The following THSD7A variants were observed in gnomAD, a reference collection of about 807,000 sequenced individuals.
THSD7A encodes thrombospondin type-1 domain-containing protein 7A.
Under a neutral mutation model 231.3 loss-of-function variants are expected in THSD7A, and 96 were observed. That is an observed-to-expected ratio of 0.41 (90% CI 0.35 to 0.49). THSD7A has a LOEUF of 0.49. Ranked by LOEUF, THSD7A falls within the 20% of genes least tolerant of loss-of-function variation. The pLI is 0.05. For synonymous variants in THSD7A, 940 were observed against 743.3 expected, an observed-to-expected ratio of 1.26 and a Z score of -4.30; for missense variants, 2,290 against 2,070.2, an observed-to-expected ratio of 1.11 and a Z score of -2.06.
At chr7:11,769,145 A>ATTTTTTTTTT (rs1333399771) in intron 1 of THSD7A, among the ~76,000 whole-genome samples, 2 of 35,998 alleles carry the variant, frequency 5.6e-5, no homozygotes, top group Non-Finnish European at 1.2e-4. Flanking sequence ...ATATATATAT[A>ATTTTTTTTTT]TATATATATT....
chr7:11,663,108 T>C (rs751694793), intron 1 of THSD7A, among the ~76,000 whole-genome samples: 4 of 151,306 alleles, frequency 2.6e-5, no homozygotes, highest in Non-Finnish European at 4.4e-5. Flanking sequence ...ACAAAGTTAC[T>C]ATTTTAAAAG....
At chr7:11,472,474 T>C (rs992280337) in intron 8 of THSD7A, among the ~76,000 whole-genome samples, 3 of 152,136 alleles carry the variant, frequency 2.0e-5, no homozygotes, top group Non-Finnish European at 2.9e-5. Context: ...AGAAAGGCAA[T>C]AATATTTTCT....
At chr7:11,829,131 T>A (rs1016981631) in intron 1 of THSD7A, among the ~76,000 whole-genome samples, 12 of 152,128 alleles carry the variant, frequency 7.9e-5, no homozygotes, top group African/African-American at 2.9e-4. Flanking sequence ...ATGTTATCTG[T>A]AAGGCTTCTG....
intron 4 of THSD7A, among the ~76,000 whole-genome samples, chr7:11,557,883 C>T (rs772779373): frequency 1.3e-5 from 2 of 152,130 alleles, no homozygotes; most frequent in East Asian, 3.9e-4. Context: ...CGACTCATTA[C>T]AGTATCACAA....
intron 6 of THSD7A, among the ~76,000 whole-genome samples, chr7:11,485,623 G>A (rs938573570): frequency 6.6e-6 from 1 of 152,106 alleles, no homozygotes; most frequent in Admixed American, 6.6e-5. Context: ...TTTGACTAAA[G>A]GAACAGAGAA....
At chr7:11,793,647 A>G (rs2128178820) in intron 1 of THSD7A, among the ~76,000 whole-genome samples, 1 of 151,972 alleles carries the variant, frequency 6.6e-6, no homozygotes, top group Non-Finnish European at 1.5e-5. Flanking sequence ...TTATGTAGTC[A>G]TGAAATAAGA....
intron 1 of THSD7A, among the ~76,000 whole-genome samples, chr7:11,723,147 TA>T (rs1583225566): frequency 6.6e-6 from 1 of 151,904 alleles, no homozygotes; most frequent in African/African-American, 2.4e-5. Flanking sequence ...TATGCAGCCA[TA>T]AAAAATGATG....
chr7:11,644,135 CACAATATCCTTCCCT>C (rs1782195061), intron 1 of THSD7A, among the ~76,000 whole-genome samples: 1 of 151,064 alleles, frequency 6.6e-6, no homozygotes, highest in African/African-American at 2.4e-5. Context: ...ATGAAGAATT[CACAATATCCTTCCCT>C]GTTTTTCAGC....
At chr7:11,450,062 T>C (rs576457737) in intron 11 of THSD7A, among the ~76,000 whole-genome samples, 7 of 152,220 alleles carry the variant, frequency 4.6e-5, no homozygotes, top group Non-Finnish European at 7.4e-5. Context: ...CAGACTTCAA[T>C]ATAAATCTTT....
rs1783133050 is a variant in THSD7A, at chr7:11,769,140, TA to T, written c.190+62616del. ...TCCTGGCAATATATATATATATATATATATATATATATATTTTTTTTTTTTT... is the reference window on the plus strand; with the variant it reads ...TCCTGGCAATATATATATATATATATTATATATATATATTTTTTTTTTTTT... On this transcript the variant is annotated intron_variant, in intron 1 of 27. Transcript: ENST00000423059. Among the ~76,000 whole-genome samples the T allele has an allele frequency of 4.8e-5, 3 of 62,372 alleles. 1 individual carries two copies. The highest frequency in any genetic ancestry group is 0.013 in the Middle Eastern group (2 of 152). The allele number at this position is 62,372 out of a possible 152,430, so 40.9% of individuals were successfully genotyped here.
At chr7:11,766,382 G>A (rs1027560778) in intron 1 of THSD7A, among the ~76,000 whole-genome samples, 4 of 152,050 alleles carry the variant, frequency 2.6e-5, no homozygotes, top group African/African-American at 9.7e-5. Flanking sequence ...GCAAAATGTA[G>A]AAATCAACTG....
intron 13 of THSD7A, among the ~76,000 whole-genome samples, chr7:11,439,352 A>G (rs113246223): frequency 1.1e-4 from 17 of 152,136 alleles, no homozygotes; most frequent in African/African-American, 4.1e-4. Context: ...TGCATTGAGC[A>G]AATCTATCGG....
At chr7:11,429,867 C>T (rs925987467) in intron 13 of THSD7A, among the ~76,000 whole-genome samples, 2 of 152,154 alleles carry the variant, frequency 1.3e-5, no homozygotes, top group African/African-American at 4.8e-5. Flanking sequence ...AGTACTCATT[C>T]CATCAAATCA....
intron 9 of THSD7A, among the ~76,000 whole-genome samples, chr7:11,463,536 A>C (rs1024414275): frequency 6.6e-6 from 1 of 152,254 alleles, no homozygotes; most frequent in South Asian, 2.1e-4. Context: ...ACCTATCCCA[A>C]TGTAAGATTC....
intron 26 of THSD7A, among the ~76,000 whole-genome samples, chr7:11,378,533 T>G (rs192180867): frequency 1.4e-4 from 21 of 152,344 alleles, no homozygotes; most frequent in Non-Finnish European, 2.5e-4. Context: ...CTCCATTGTC[T>G]CCCTGTTTAT....
At chr7:11,633,283 T>C (rs116210357) in intron 2 of THSD7A, among the ~76,000 whole-genome samples, 2,122 of 152,334 alleles carry the variant, frequency 0.014, 51 homozygotes, top group African/African-American at 0.048. Flanking sequence ...GTCACTGGTT[T>C]ACAGGGAAGC....
Position 11,590,671 on chromosome 7 carries a change from C to A in THSD7A, c.1272-30G>T, listed in dbSNP as rs2074602. Reference sequence around the variant, plus strand: ...ATAAAGACAACACCACCAGCAGCAACCATAATTATTGAATGACGTGTTTCT... The same window carrying A: ...ATAAAGACAACACCACCAGCAGCAAACATAATTATTGAATGACGTGTTTCT... On this transcript the variant is annotated intron_variant, in intron 3 of 27. Transcript: ENST00000423059. This position sits in a 1 kb window ranked among gnomAD's most constrained non-coding sequence, Gnocchi z 4.4. 334,281 of 1,563,236 alleles carry A rather than the reference C, an allele frequency of 0.21. 38,544 individuals carry two copies. The highest frequency in any genetic ancestry group is 0.24 in the Non-Finnish European group (278,976 of 1,154,938).
chr7:11,774,968 T>A (rs1403314195), intron 1 of THSD7A, among the ~76,000 whole-genome samples: 3 of 152,138 alleles, frequency 2.0e-5, no homozygotes, highest in Non-Finnish European at 1.5e-5. Flanking sequence ...GGCACGATAA[T>A]CTCTTGAACC....
At chr7:11,516,471 T>C (rs997902818) in intron 6 of THSD7A, among the ~76,000 whole-genome samples, 23 of 152,314 alleles carry the variant, frequency 1.5e-4, no homozygotes, top group African/African-American at 4.8e-4. Flanking sequence ...GGCTATATTA[T>C]AGTGCCTCAT....
Sources: allele counts gnomAD v4.1 joint callset (sites outside exome capture counted in the v4.1 genomes callset), GRCh38; gene constraint gnomAD v4.1.1; non-coding constraint Gnocchi (gnomAD v3.1); transcripts MANE v1.5; gene names NCBI Gene and HGNC (gene_info 2026-07-23, HGNC 2026-07-21).